The following COBLL1 variants were observed in gnomAD, a reference collection of about 807,000 sequenced individuals.
COBLL1 encodes cordon-bleu protein-like 1.
A neutral mutation model predicts 94.8 loss-of-function variants in COBLL1; 50 were observed. The observed-to-expected ratio is 0.53, with a 90% CI of 0.42 to 0.67. The LOEUF is 0.67. Among genes scored for constraint, COBLL1 ranks in the 30% least tolerant of loss-of-function variants. The pLI is 0.00. For missense variants in COBLL1, 1,362 were observed against 1,348.7 expected (o/e 1.01, Z -0.15); for synonymous variants, 448 against 473.8 (o/e 0.95, Z 0.71).
In COBLL1 at chr2:164,711,157, T is replaced by C. The variant is rs559450525; in HGVS notation, c.997-6052A>G. Among the ~76,000 whole-genome samples, 4 of 152,274 alleles carry C rather than the reference T, an allele frequency of 2.6e-5. No individual in the cohort carries two copies. The South Asian group carries it at 8.3e-4, about 32-fold the overall frequency. On this transcript the variant is annotated intron_variant, in intron 7 of 13. Transcript: ENST00000652658. ...CCTCATTCATGAAAAGGAAAAGTAC[T>C]AGCACCTATGTCAAAAGGGGCTGGG...
intron 7 of COBLL1, among the ~76,000 whole-genome samples, chr2:164,709,934 A>C (rs1285384626): frequency 1.3e-5 from 2 of 152,116 alleles, no homozygotes; most frequent in East Asian, 3.9e-4. Context: ...AAGAATAGTG[A>C]GTTTAGATAA....
chr2:164,807,556 T>A (rs1032761624), intron 2 of COBLL1, among the ~76,000 whole-genome samples: 1 of 152,204 alleles, frequency 6.6e-6, no homozygotes, highest in African/African-American at 2.4e-5. Context: ...TGTTTTAGTA[T>A]CATGAGTTGA....
chr2:164,773,610 G>T lies in COBLL1; in HGVS notation c.42-29735C>A, dbSNP rs936175337. On this transcript the variant is annotated intron_variant, in intron 2 of 13. Transcript: ENST00000652658. ...CTCAGACATATTAAAATGTGCAAGG[G>T]TAATCATAGTTTGAGAGAAAATATT... is the stretch of plus-strand genomic sequence containing the variant. The T allele has an allele frequency of 9.6e-6, 4 of 417,064 alleles. No homozygotes were observed. In the Admixed American group the frequency reaches 1.3e-4, roughly 14 times the overall value. 25.8% of individuals were successfully genotyped at this position (417,064 alleles called of 1,614,324 possible).
At chr2:164,720,279 A>G (rs906279097) in intron 7 of COBLL1, among the ~76,000 whole-genome samples, 1 of 22,088 alleles carries the variant, frequency 4.5e-5, no homozygotes, top group South Asian at 8.0e-4. Flanking sequence ...CAACATACTA[A>G]AAAAAAAAAG....
At chr2:164,818,955 G>C (rs1432723543) in intron 2 of COBLL1, among the ~76,000 whole-genome samples, 1 of 151,166 alleles carries the variant, frequency 6.6e-6, no homozygotes, top group Non-Finnish European at 1.5e-5. Flanking sequence ...TTTTTTGGTA[G>C]AGACAGTGTT....
At chr2:164,770,049 A>T (rs1311682271) in intron 2 of COBLL1, among the ~76,000 whole-genome samples, 1 of 152,216 alleles carries the variant, frequency 6.6e-6, no homozygotes, top group Non-Finnish European at 1.5e-5. Flanking sequence ...TATATGAATT[A>T]AACTAATTAT....
At chr2:164,780,393 A>C (rs1021049507) in intron 2 of COBLL1, among the ~76,000 whole-genome samples, 1 of 152,184 alleles carries the variant, frequency 6.6e-6, no homozygotes, top group Non-Finnish European at 1.5e-5. Flanking sequence ...CCCTTTTATA[A>C]AAGTTTAAAT....
At chr2:164,818,783 C>CACATATATATATAT in intron 2 of COBLL1, among the ~76,000 whole-genome samples, 1 of 117,570 alleles carries the variant, frequency 8.5e-6, no homozygotes, top group African/African-American at 2.9e-5. Flanking sequence ...TATATATATA[C>CACATATATATATAT]ATATAATTTT....
chr2:164,826,230 T>C (rs1250013570), intron 2 of COBLL1, among the ~76,000 whole-genome samples: 1 of 152,200 alleles, frequency 6.6e-6, no homozygotes, highest in Non-Finnish European at 1.5e-5. Flanking sequence ...ATTTTTCTCC[T>C]CTAAAAGGGA....
At chr2:164,822,920 C>A (rs1685248141) in intron 2 of COBLL1, among the ~76,000 whole-genome samples, 4 of 151,856 alleles carry the variant, frequency 2.6e-5, no homozygotes, top group Non-Finnish European at 5.9e-5. Context: ...AGGCATGCAC[C>A]ACCACACCTG....
chr2:164,778,935 A>C (rs931587423), intron 2 of COBLL1, among the ~76,000 whole-genome samples: 1 of 152,136 alleles, frequency 6.6e-6, no homozygotes, highest in Non-Finnish European at 1.5e-5. Context: ...CCAGTGTATG[A>C]CTATGATAAT....
Position 164,695,233 on chromosome 2 carries a change from T to C in COBLL1, c.2159A>G (p.Glu720Gly). ...TTTGGGTATATACTCTCGTGTAATT[T>C]CATTTGAAGGTTTTGGCTTGGGATT... ...DYNPKPKPSN[E>G]ITREYIPKIG... is the part of the protein sequence containing the mutation. Residue 720 changes from glutamate (E) to glycine (G), a missense_variant, in exon 12 of 14, where the codon GAA becomes GGA. Transcript: ENST00000652658. 6 of 1,614,008 alleles carry C rather than the reference T, an allele frequency of 3.7e-6. No homozygotes were observed. Among genetic ancestry groups the C allele is most frequent in the Non-Finnish European group, 5.1e-6 (6 of 1,179,948 alleles).
intron 13 of COBLL1, among the ~76,000 whole-genome samples, chr2:164,691,110 T>C (rs1044971524): frequency 6.6e-6 from 1 of 152,154 alleles, no homozygotes; most frequent in African/African-American, 2.4e-5. Flanking sequence ...GCACCCAGTA[T>C]TCTGCCTTGT....
At chr2:164,761,969 G>A (rs1687704900) in intron 2 of COBLL1, among the ~76,000 whole-genome samples, 4 of 152,314 alleles carry the variant, frequency 2.6e-5, no homozygotes, top group African/African-American at 7.2e-5. Context: ...CATAAGAGAA[G>A]TAGCAATGCA....
intron 2 of COBLL1, among the ~76,000 whole-genome samples, chr2:164,758,919 C>T (rs1256964918): frequency 2.0e-5 from 3 of 151,668 alleles, no homozygotes; most frequent in African/African-American, 4.8e-5. Context: ...AAAAGTTCTC[C>T]ACCAAAGGAA....
intron 5 of COBLL1, among the ~76,000 whole-genome samples, chr2:164,726,741 C>G (rs530463820): frequency 2.6e-4 from 39 of 152,158 alleles, no homozygotes; most frequent in African/African-American, 7.0e-4. Context: ...CACCATTATT[C>G]TGAATTACTG....
chr2:164,776,845 G>A (rs1458979069), intron 2 of COBLL1, among the ~76,000 whole-genome samples: 1 of 151,808 alleles, frequency 6.6e-6, no homozygotes, highest in Non-Finnish European at 1.5e-5. Flanking sequence ...ATATAAAAAG[G>A]ACAATACTAT....
intron 9 of COBLL1, 110 bp from the exon 10 acceptor site, chr2:164,700,866 A>G: frequency 1.5e-6 from 1 of 680,862 alleles, no homozygotes; most frequent in South Asian, 1.9e-5. Flanking sequence ...ACTCTTTTAA[A>G]TTCTGCCTCA....
intron 2 of COBLL1, among the ~76,000 whole-genome samples, chr2:164,752,507 T>TA (rs1687177122): frequency 6.6e-6 from 1 of 152,146 alleles, no homozygotes; most frequent in African/African-American, 2.4e-5. Context: ...CTAAGTCCTG[T>TA]ACAGGTGCTT....
Sources: gnomAD v4.1 joint callset for allele counts (sites outside exome capture counted in the v4.1 genomes callset) on GRCh38, gnomAD v4.1.1 for gene constraint, MANE v1.5 for transcripts, NCBI Gene and HGNC (gene_info 2026-07-23, HGNC 2026-07-21) for gene names.